Variants in LRMDA observed in about 807,000 individuals in gnomAD.
The protein encoded by LRMDA is leucine-rich melanocyte differentiation-associated protein.
A neutral mutation model predicts 29.8 loss-of-function variants in LRMDA; 18 were observed. That is an observed-to-expected ratio of 0.60 (90% CI 0.42 to 0.90). The LOEUF (loss-of-function observed/expected upper bound fraction) is 0.90, where lower values mean the gene tolerates loss of function less well. Ranked by LOEUF, LRMDA falls within the 40% of genes least tolerant of loss-of-function variation. LRMDA has a pLI of 0.00. For missense variants in LRMDA, 273 were observed against 273.9 expected, an observed-to-expected ratio of 1.00 and a Z score of 0.02; for synonymous variants, 125 against 109.4, an observed-to-expected ratio of 1.14 and a Z score of -0.89.
intron 2 of LRMDA, among the ~76,000 whole-genome samples, chr10:75,700,264 T>C (rs1185829616): frequency 6.6e-6 from 1 of 151,840 alleles, no homozygotes; most frequent in African/African-American, 2.4e-5. Context: ...GAGTTTTTTT[T>C]TTTTTTTACC....
intron 2 of LRMDA, among the ~76,000 whole-genome samples, chr10:75,899,089 A>G (rs1845629888): frequency 3.3e-5 from 5 of 152,232 alleles, no homozygotes; most frequent in Admixed American, 2.6e-4. Flanking sequence ...AGTCAGGTTC[A>G]TATATAGGGT....
At chr10:75,888,792 C>T (rs970044383) in intron 2 of LRMDA, among the ~76,000 whole-genome samples, 1 of 152,070 alleles carries the variant, frequency 6.6e-6, no homozygotes, top group Non-Finnish European at 1.5e-5. Context: ...AATATAATAT[C>T]CTGCTCATTT....
chr10:75,784,068 C>T (rs1280065551), intron 2 of LRMDA, among the ~76,000 whole-genome samples: 1 of 152,126 alleles, frequency 6.6e-6, no homozygotes, highest in Non-Finnish European at 1.5e-5. Flanking sequence ...TTTTTCTTAC[C>T]ATTACACTCT....
intron 2 of LRMDA, among the ~76,000 whole-genome samples, chr10:75,752,456 C>T (rs909555980): frequency 1.3e-5 from 2 of 152,140 alleles, no homozygotes; most frequent in African/African-American, 4.8e-5. Context: ...CTTGATCCAC[C>T]CACCTCAGAT....
intron 1 of LRMDA, among the ~76,000 whole-genome samples, chr10:75,433,068 T>C (rs1844220828): frequency 6.6e-6 from 1 of 151,878 alleles, no homozygotes; most frequent in Non-Finnish European, 1.5e-5. Context: ...CGGGTCTTGT[T>C]CAGCCATCGG....
At chr10:76,014,410 T>G (rs761196592) in intron 2 of LRMDA, among the ~76,000 whole-genome samples, 1 of 151,922 alleles carries the variant, frequency 6.6e-6, no homozygotes, top group Non-Finnish European at 1.5e-5. Context: ...CACTTTCTGG[T>G]GTTTTGTGTG....
chr10:75,810,362 G>A (rs1589214347), intron 2 of LRMDA, among the ~76,000 whole-genome samples: 2 of 152,328 alleles, frequency 1.3e-5, no homozygotes, highest in South Asian at 4.1e-4. Context: ...GCTGTTCGGA[G>A]GATGTCAGAG....
At chr10:75,674,104 C>T (rs768947203) in intron 2 of LRMDA, among the ~76,000 whole-genome samples, 3 of 152,196 alleles carry the variant, frequency 2.0e-5, no homozygotes, top group Non-Finnish European at 4.4e-5. Context: ...AATGCTGGGA[C>T]TAGTTTTTCC....
intron 2 of LRMDA, among the ~76,000 whole-genome samples, chr10:75,593,735 G>A (rs759967354): frequency 1.3e-5 from 2 of 152,120 alleles, no homozygotes; most frequent in Non-Finnish European, 2.9e-5. Flanking sequence ...TGATTCCATG[G>A]AAGTTCACGT....
chr10:75,874,368 A>G (rs1466830667), intron 2 of LRMDA, among the ~76,000 whole-genome samples: 1 of 152,212 alleles, frequency 6.6e-6, no homozygotes, highest in African/African-American at 2.4e-5. Context: ...TCACATTCTC[A>G]GAAAAGAAGA....
chr10:76,318,625 G>GT (rs1840729800), intron 5 of LRMDA: 1 of 152,544 alleles, frequency 6.6e-6, no homozygotes, highest in Admixed American at 6.5e-5. Context: ...CTTGCCTTTT[G>GT]TTTTCCTCCC....
chr10:75,858,430 T>C (rs1234743305), intron 2 of LRMDA, among the ~76,000 whole-genome samples: 1 of 152,214 alleles, frequency 6.6e-6, no homozygotes, highest in African/African-American at 2.4e-5. Flanking sequence ...TAACAATGCA[T>C]AAGGCTCTCC....
intron 2 of LRMDA, among the ~76,000 whole-genome samples, chr10:75,491,818 T>C (rs898179609): frequency 6.6e-6 from 1 of 152,206 alleles, no homozygotes; most frequent in Non-Finnish European, 1.5e-5. Flanking sequence ...TATGTTCCTC[T>C]TTCTTAATTT....
intron 5 of LRMDA, among the ~76,000 whole-genome samples, chr10:76,218,094 C>T (rs1316945740): frequency 6.6e-6 from 1 of 152,158 alleles, no homozygotes; most frequent in Non-Finnish European, 1.5e-5. Flanking sequence ...GCAATGGCTT[C>T]TAGAGTGGAA....
intron 2 of LRMDA, among the ~76,000 whole-genome samples, chr10:75,685,171 T>G (rs536117154): frequency 6.6e-6 from 1 of 152,272 alleles, no homozygotes; most frequent in Non-Finnish European, 1.5e-5. Context: ...TGCTTTGGGA[T>G]TCTTACTATA....
intron 2 of LRMDA, among the ~76,000 whole-genome samples, chr10:75,658,016 C>G (rs947065359): frequency 1.3e-5 from 2 of 152,156 alleles, no homozygotes; most frequent in East Asian, 3.9e-4. Context: ...ATTTCCTTTC[C>G]TCCCCTTCTC....
chr10:76,533,255 A>G (rs1264369044), intron 6 of LRMDA, among the ~76,000 whole-genome samples: 1 of 152,174 alleles, frequency 6.6e-6, no homozygotes, highest in African/African-American at 2.4e-5. Context: ...GTTGATTGTG[A>G]TTATTCTAAA....
At chr10:76,044,715 C>T (rs1463248937) in intron 3 of LRMDA, among the ~76,000 whole-genome samples, 3 of 152,174 alleles carry the variant, frequency 2.0e-5, no homozygotes, top group Non-Finnish European at 2.9e-5. Context: ...CTCCCATTCT[C>T]ACCTCCTCAT....
chr10:76,132,789 C>T (rs1020112611), intron 5 of LRMDA, among the ~76,000 whole-genome samples: 4 of 151,566 alleles, frequency 2.6e-5, no homozygotes, highest in Non-Finnish European at 5.9e-5. Context: ...CAGATTTCAC[C>T]AGCTGACAAG....
Sources: allele counts gnomAD v4.1 joint callset (sites outside exome capture counted in the v4.1 genomes callset), GRCh38; gene constraint gnomAD v4.1.1; transcripts MANE v1.5; gene names NCBI Gene and HGNC (gene_info 2026-07-23, HGNC 2026-07-21).